RNF170: variants seen among roughly 807,000 people sequenced by gnomAD.
RNF170 encodes ring finger protein 170, also known as E3 ubiquitin-protein ligase RNF170.
A neutral mutation model predicts 32.7 loss-of-function variants in RNF170; 12 were observed. That is an observed-to-expected ratio of 0.37 (90% CI 0.24 to 0.60). RNF170 has a LOEUF of 0.60. RNF170 is among the 20% of genes least tolerant of loss of function. The pLI is 0.72. For synonymous variants in RNF170, 91 were observed against 103.6 expected, an observed-to-expected ratio of 0.88 and a Z score of 0.74; for missense variants, 212 against 311.2, an observed-to-expected ratio of 0.68 and a Z score of 2.40.
Position 42,861,729 on chromosome 8 carries a change from C to G in RNF170, c.507+16G>C. The G allele has an allele frequency of 6.4e-7, 1 of 1,558,064 alleles. No individual in the cohort carries two copies. The highest frequency in any genetic ancestry group is 1.1e-5 in the South Asian group (1 of 89,914). Reference sequence around the variant, plus strand: ...GTGTCTTCCTCTAACTTTGAACATGCTTTAGCATTACTTACAGATCTGGGT... The same window carrying G: ...GTGTCTTCCTCTAACTTTGAACATGGTTTAGCATTACTTACAGATCTGGGT... On this transcript the variant is annotated intron_variant, in intron 6 of 6. Transcript: ENST00000527424.
intron 5 of RNF170, among the ~76,000 whole-genome samples, 167 bp downstream of exon 5, chr8:42,865,239 CAAAAAAAATA>C (rs545558680): frequency 0.03 from 4,482 of 147,136 alleles, 222 homozygotes; most frequent in African/African-American, 0.11. Context: ...GACCTTTTTT[CAAAAAAAATA>C]AAAAAAAATA....
chr8:42,866,357 T>C (rs982351671), intron 4 of RNF170, among the ~76,000 whole-genome samples: 2 of 151,862 alleles, frequency 1.3e-5, no homozygotes, highest in Non-Finnish European at 2.9e-5. Flanking sequence ...CTGGCCAACA[T>C]AGTAAAACCC....
intron 1 of RNF170, among the ~76,000 whole-genome samples, chr8:42,892,675 T>C (rs1181473501): frequency 8.4e-6 from 1 of 119,638 alleles, no homozygotes; most frequent in Non-Finnish European, 1.7e-5. Flanking sequence ...TGTTGCAGCG[T>C]TTTTTTTTTT....
downstream of RNF170, chr8:42,850,243 A>T (rs13280681): frequency 6.0e-6 from 1 of 166,616 alleles, no homozygotes; most frequent in Non-Finnish European, 1.3e-5. Context: ...AACCAAGGTC[A>T]CATGGGGCCT....
intron 4 of RNF170, among the ~76,000 whole-genome samples, chr8:42,866,527 T>C (rs1231373963): frequency 6.7e-6 from 1 of 150,140 alleles, no homozygotes; most frequent in Non-Finnish European, 1.5e-5. Context: ...GAGGTTGCAG[T>C]GAGCTGAGAT....
Position 42,854,878 on chromosome 8 carries a change from A to C in RNF170, c.*1281T>G, listed in dbSNP as rs1455461149. 7 of 1,287,150 alleles carry C rather than the reference A, an allele frequency of 5.4e-6. No homozygotes were observed. The Admixed American group carries it at 1.1e-4, about 21-fold the overall frequency. 79.7% of individuals were successfully genotyped at this position (1,287,150 alleles called of 1,614,324 possible). ...CAGATACATTCACTTGTTTGGCTCA[A>C]GACATGAATCTGAGCTGTGTGCTGC... On this transcript the variant is annotated 3_prime_UTR_variant, in exon 7 of 7. Transcript: ENST00000527424.
At chr8:42,851,061 G>A (rs1802928336), downstream of RNF170, 5 of 1,537,600 alleles carry the variant, frequency 3.3e-6, no homozygotes, top group Admixed American at 3.9e-5. Context: ...CCCACTGCAC[G>A]TAAATCCAAA....
intron 6 of RNF170, among the ~76,000 whole-genome samples, chr8:42,859,413 T>C (rs534818738): frequency 2.7e-5 from 4 of 148,392 alleles, no homozygotes; most frequent in Admixed American, 2.0e-4. Flanking sequence ...AGGGGGTGGA[T>C]TGCTTGAGCC....
chr8:42,854,121 A>C lies in RNF170; in HGVS notation c.*2038T>G, dbSNP rs1444528832. 1.7e-5 allele frequency: 22 copies of C among 1,287,124 alleles called. No homozygotes were observed. The highest frequency in any genetic ancestry group is 2.1e-5 in the Non-Finnish European group (21 of 988,696). 79.7% of individuals were successfully genotyped at this position (1,287,124 alleles called of 1,614,324 possible). On this transcript the variant is annotated 3_prime_UTR_variant, in exon 7 of 7. Transcript: ENST00000527424. ...CAGCTGAAATGTTTTTCTGTGATGT[A>C]TGCCACCCTTTTACCTATTTGATTT...
chr8:42,887,703 C>G (rs1197181809), intron 2 of RNF170, 25 bp downstream of exon 2: 3 of 1,613,072 alleles, frequency 1.9e-6, no homozygotes, highest in Admixed American at 3.3e-5. Context: ...CAAATCTACT[C>G]AATTCTTTTG....
chr8:42,897,069 C>A, upstream of RNF170: 1 of 1,199,470 alleles, frequency 8.3e-7, no homozygotes, highest in African/African-American at 1.6e-5. Flanking sequence ...CCCCCGGATC[C>A]CCCGACAGAG....
At chr8:42,871,523 T>C (rs1392703016) in intron 3 of RNF170, among the ~76,000 whole-genome samples, 3 of 152,220 alleles carry the variant, frequency 2.0e-5, no homozygotes, top group Admixed American at 6.5e-5. Context: ...TAGTCACTTA[T>C]GTCAGTTCTA....
chr8:42,853,462 C>G lies in RNF170; in HGVS notation c.*2697G>C. 1 of 1,287,190 alleles carries G rather than the reference C, an allele frequency of 7.8e-7. No homozygotes were observed. The highest frequency in any genetic ancestry group is 1.0e-6 in the Non-Finnish European group (1 of 988,688). The allele number at this position is 1,287,190 out of a possible 1,614,324, so 79.7% of individuals were successfully genotyped here. On this transcript the variant is annotated 3_prime_UTR_variant, in exon 7 of 7. Transcript: ENST00000527424. ...TAGTCCTTTCTTCCCTTGTACCTCT[C>G]AAACACTGAGAATTGTAGTAGTTGA...
rs549675089 is a variant in RNF170, at chr8:42,873,013, G to C, written c.213+918C>G. On this transcript the variant is annotated intron_variant, in intron 3 of 6. Coordinates refer to ENST00000527424, the MANE Select transcript of RNF170 (RefSeq NM_030954.4). Reference sequence around the variant, plus strand: ...AGGCTCGAGAGATCCTCCCACTTCAGCCTCCTGAGTAGCTGGGACTATAGC... The same window carrying C: ...AGGCTCGAGAGATCCTCCCACTTCACCCTCCTGAGTAGCTGGGACTATAGC... Among the ~76,000 whole-genome samples the C allele has an allele frequency of 3.3e-5, 5 of 152,200 alleles. No individual in the cohort carries two copies. In the East Asian group the frequency reaches 9.7e-4, roughly 29 times the overall value.
intron 2 of RNF170, among the ~76,000 whole-genome samples, chr8:42,882,460 A>C (rs1414670620): frequency 6.6e-6 from 1 of 152,170 alleles, no homozygotes; most frequent in African/African-American, 2.4e-5. Flanking sequence ...TGGCCCAAGC[A>C]ATCTTCCCAC....
chr8:42,850,411 A>G, downstream of RNF170: 1 of 268,514 alleles, frequency 3.7e-6, no homozygotes, highest in Non-Finnish European at 7.3e-6. Flanking sequence ...GTGATCCTTT[A>G]GGTGAGAAGT....
At chr8:42,875,951 A>G (rs574505441) in intron 2 of RNF170, among the ~76,000 whole-genome samples, 73 of 152,342 alleles carry the variant, frequency 4.8e-4, no homozygotes, top group Non-Finnish European at 8.8e-4. Context: ...GATCTGTGAA[A>G]GAAAGCACTC....
chr8:42,866,422 G>A (rs1804084125), intron 4 of RNF170, among the ~76,000 whole-genome samples: 1 of 151,544 alleles, frequency 6.6e-6, no homozygotes, highest in East Asian at 1.9e-4. Context: ...GTGCTACTTG[G>A]GAGGCTACTT....
downstream of RNF170, chr8:42,850,339 G>A (rs1008111742): frequency 2.9e-5 from 6 of 207,020 alleles, no homozygotes; most frequent in African/African-American, 1.2e-4. Flanking sequence ...GATGATCATC[G>A]GGCTGCGTTG....
Sources: gnomAD v4.1 joint callset for allele counts (sites outside exome capture counted in the v4.1 genomes callset) on GRCh38, gnomAD v4.1.1 for gene constraint, MANE v1.5 for transcripts, NCBI Gene and HGNC (gene_info 2026-07-23, HGNC 2026-07-21) for gene names.